ZC3H4: variants seen among roughly 807,000 people sequenced by gnomAD.
ZC3H4 encodes the protein zinc finger CCCH-type containing 4, also known as zinc finger CCCH domain-containing protein 4.
Under a neutral mutation model 108.3 loss-of-function variants are expected in ZC3H4, and 13 were observed. The ratio of observed to expected loss-of-function variants is 0.12; its 90% CI spans 0.08 to 0.19. The LOEUF is 0.19. Among genes scored for constraint, ZC3H4 ranks in the 10% least tolerant of loss-of-function variants. The probability of loss-of-function intolerance (pLI) is 1.00; values close to 1 mark genes in which losing one functional copy is unlikely to be tolerated. For missense variants in ZC3H4, 1,734 were observed against 1,838.8 expected, an observed-to-expected ratio of 0.94 and a Z score of 1.04; for synonymous variants, 917 against 749.6, an observed-to-expected ratio of 1.22 and a Z score of -3.65.
At position 47,072,042 on chromosome 19, in the gene ZC3H4, T is replaced by A. The variant is rs374529527; in HGVS notation, c.1882A>T (p.Met628Leu). The part of the protein sequence containing the change: ...MGPPGPMGGP[M>L]HPDMHPDMHP... ...ATGTCGGGGTGCATGTCAGGATGCA[T>A]TGGACCGCCCATTGGCCCTGGGGGT... The change falls in exon 13 of 15, where the codon ATG becomes TTG. Residue 628 changes from methionine (M) to leucine (L), a missense_variant. Physicochemically the swap from Met to Leu is conservative, Grantham distance 15. This residue lies in a region of ZC3H4 where 540 missense variants were observed against 484.1 expected (regional missense o/e 1.12). Coordinates refer to ENST00000253048, the MANE Select transcript of ZC3H4 (RefSeq NM_015168.2). The surrounding 1 kb of genome is among the most constrained non-coding windows in gnomAD (Gnocchi z 5.6). 6.3e-6 allele frequency: 10 copies of A among 1,586,852 alleles called. No individual in the cohort carries two copies. Among genetic ancestry groups the A allele is most frequent in the Non-Finnish European group, 6.9e-6 (8 of 1,166,368 alleles).
rs1215391899 is a variant in ZC3H4 at position 47,086,515 on chromosome 19, AGCCCCG to A, written c.733_738del (p.Arg245_Gly246del). Reference sequence around the variant, plus strand: ...CCTCCACGGCTTCCTCGGCCCCTGTAGCCCCGGCCCCGGCCTCGGCTGCCTGCATGG... The same window carrying A: ...CCTCCACGGCTTCCTCGGCCCCTGTAGCCCCGGCCTCGGCTGCCTGCATGG... On this transcript the variant is annotated inframe_deletion, in exon 6 of 15. Coordinates refer to ENST00000253048, the MANE Select transcript of ZC3H4 (RefSeq NM_015168.2). The A allele has an allele frequency of 1.2e-6, 2 of 1,600,416 alleles. No homozygotes were observed. The highest frequency in any genetic ancestry group is 1.1e-5 in the South Asian group (1 of 90,304).
intron 9 of ZC3H4, among the ~76,000 whole-genome samples, chr19:47,083,322 AAGAG>A (rs796657173): frequency 2.2e-4 from 33 of 148,860 alleles, no homozygotes; most frequent in Middle Eastern, 3.5e-3. Context: ...AAAAAAAAAA[AAGAG>A]AGAGAGAGAG....
chr19:47,071,020 CCAT>C (rs1295542280), intron 13 of ZC3H4, among the ~76,000 whole-genome samples: 1 of 152,204 alleles, frequency 6.6e-6, no homozygotes, highest in Non-Finnish European at 1.5e-5. Flanking sequence ...CTCGGAGGTC[CCAT>C]CATTCCTCAC....
At chr19:47,084,778 A>G (rs1600053114) in intron 8 of ZC3H4, among the ~76,000 whole-genome samples, 1 of 152,184 alleles carries the variant, frequency 6.6e-6, no homozygotes, top group East Asian at 1.9e-4. Flanking sequence ...TTCCAGGGCT[A>G]ATTGGATGGT....
rs2057224726 is a variant in ZC3H4, at chr19:47,067,153, TGGCGCCCTGTGTGCTGGAATCCGTGGA to T, written c.3088_3114del (p.Ser1030_Ala1038del). On this transcript the variant is annotated inframe_deletion, in exon 15 of 15. Coordinates refer to ENST00000253048, the MANE Select transcript of ZC3H4 (RefSeq NM_015168.2). This position sits in a 1 kb window ranked among gnomAD's most constrained non-coding sequence, Gnocchi z 6.4. ...GACAGAAGTTCAAAGTCGGGGAGGT[TGGCGCCCTGTGTGCTGGAATCCGTGGA>T]GGCGCCCGGGCGCTGCCGGGCGTTG... The T allele has an allele frequency of 1.2e-6, 2 of 1,611,682 alleles. No homozygotes were observed. Among genetic ancestry groups the T allele is most frequent in the Non-Finnish European group, 1.7e-6 (2 of 1,178,838 alleles).
chr19:47,066,059 A>C lies in ZC3H4; in HGVS notation c.*297T>G. ...CAAGGCCCGGCCACGCAGAGCCCAC[A>C]GAGTCTGAGGCCAGGCACTGGCGAA... is the stretch of plus-strand genomic sequence containing the variant. On this transcript the variant is annotated 3_prime_UTR_variant, in exon 15 of 15. Coordinates refer to ENST00000253048, the MANE Select transcript of ZC3H4 (RefSeq NM_015168.2). The C allele has an allele frequency of 3.7e-6, 1 of 272,378 alleles. No individual in the cohort carries two copies. The highest frequency in any genetic ancestry group is 6.9e-6 in the Non-Finnish European group (1 of 145,604). 16.9% of individuals were successfully genotyped at this position (272,378 alleles called of 1,614,324 possible). A position where few individuals can be genotyped will look rare whatever the true frequency, so the allele number is the denominator to read the frequency against.
chr19:47,080,926 C>T (rs1011491655), intron 11 of ZC3H4, among the ~76,000 whole-genome samples: 5 of 152,130 alleles, frequency 3.3e-5, no homozygotes, highest in African/African-American at 9.7e-5. Context: ...AGCCACCACA[C>T]TCGGTTAAGT....
At chr19:47,103,826 C>G (rs2057935077) in intron 2 of ZC3H4, among the ~76,000 whole-genome samples, 1 of 151,446 alleles carries the variant, frequency 6.6e-6, no homozygotes, top group Admixed American at 6.6e-5. Context: ...CGCCTGTAGT[C>G]CCAGCTACTC....
chr19:47,072,506 G>C lies in ZC3H4; in HGVS notation c.1648C>G (p.Pro550Ala). ...GGCATCTGAGGGGGCCCGGGCGGTG[G>C]GGGAGGGGGAGGGGGCGGGGGCGGG... ...GPPPPPPPPP[P>A]PPGPPQMPMP... The change falls in exon 12 of 15, where the codon CCA (proline) becomes GCA (alanine). Residue 550 changes from proline to alanine, a missense_variant. By Grantham distance (27) the Pro-to-Ala change is conservative. Coordinates refer to ENST00000253048, the MANE Select transcript of ZC3H4 (RefSeq NM_015168.2). This position sits in a 1 kb window ranked among gnomAD's most constrained non-coding sequence, Gnocchi z 5.6. The C allele has an allele frequency of 1.5e-6, 2 of 1,330,142 alleles. No individual in the cohort carries two copies. Among genetic ancestry groups the C allele is most frequent in the Non-Finnish European group, 2.1e-6 (2 of 975,014 alleles). The allele number at this position is 1,330,142 out of a possible 1,614,324, so 82.4% of individuals were successfully genotyped here.
At chr19:47,084,781 T>C (rs1340704904) in intron 8 of ZC3H4, among the ~76,000 whole-genome samples, 1 of 152,190 alleles carries the variant, frequency 6.6e-6, no homozygotes. Flanking sequence ...CAGGGCTAAT[T>C]GGATGGTTCA....
intron 2 of ZC3H4, among the ~76,000 whole-genome samples, chr19:47,107,869 C>G (rs1203491112): frequency 6.6e-6 from 1 of 152,142 alleles, no homozygotes; most frequent in African/African-American, 2.4e-5. Context: ...CTCCTAAAAG[C>G]AAAAGCGTTC....
At chr19:47,112,125 G>A (rs2058047169) in intron 2 of ZC3H4, 1 of 1,081,812 alleles carries the variant, frequency 9.2e-7, no homozygotes, top group East Asian at 5.6e-5. Context: ...CGGGCGCGGG[G>A]GGTCCGAGGG....
intron 11 of ZC3H4, among the ~76,000 whole-genome samples, chr19:47,073,607 G>A (rs558114354): frequency 2.0e-5 from 3 of 152,226 alleles, no homozygotes; most frequent in East Asian, 3.9e-4. Flanking sequence ...ACGATGCAGT[G>A]GCATTTGGCA....
At chr19:47,075,015 C>A (rs891680902) in intron 11 of ZC3H4, among the ~76,000 whole-genome samples, 2 of 152,190 alleles carry the variant, frequency 1.3e-5, no homozygotes, top group African/African-American at 4.8e-5. Flanking sequence ...ACTAGTCCTG[C>A]CCCTCTGCCC....
In ZC3H4 at chr19:47,071,908, C is replaced by T; in HGVS notation, c.2016G>A (p.Met672Ile). ...PPMGPGGPPM[M>I]PYGPGDSPHS... ...GTGGGGAGTCTCCAGGGCCGTAGGG[C>T]ATCATTGGAGGGCCGCCAGGGCCCA... is the stretch of plus-strand genomic sequence containing the variant. The change falls in exon 13 of 15, where the codon ATG becomes ATA. Residue 672 changes from methionine to isoleucine, a missense_variant. This residue lies in a region of ZC3H4 where 540 missense variants were observed against 484.1 expected (regional missense o/e 1.12). Coordinates refer to ENST00000253048, the MANE Select transcript of ZC3H4 (RefSeq NM_015168.2). 2 of 1,612,098 alleles carry T rather than the reference C, an allele frequency of 1.2e-6. No homozygotes were observed. The highest frequency in any genetic ancestry group is 1.7e-6 in the Non-Finnish European group (2 of 1,179,062).
intron 2 of ZC3H4, among the ~76,000 whole-genome samples, chr19:47,098,664 T>C (rs1399072227): frequency 6.6e-6 from 1 of 151,780 alleles, no homozygotes; most frequent in Non-Finnish European, 1.5e-5. Flanking sequence ...CTCAGGAGGC[T>C]GAGGTAGGAG....
At chr19:47,111,374 TAATA>T (rs1421594936) in intron 2 of ZC3H4, among the ~76,000 whole-genome samples, 1 of 152,098 alleles carries the variant, frequency 6.6e-6, no homozygotes, top group African/African-American at 2.4e-5. Flanking sequence ...GTTTCGGACT[TAATA>T]AAGAGAAGGG....
chr19:47,069,648 A>C (rs1485551364), intron 13 of ZC3H4, among the ~76,000 whole-genome samples: 1 of 152,242 alleles, frequency 6.6e-6, no homozygotes, highest in African/African-American at 2.4e-5. Flanking sequence ...GACACACAGA[A>C]ACAGTCCCTC....
intron 2 of ZC3H4, 97 bp from the exon 3 acceptor site, chr19:47,094,705 A>T: frequency 7.7e-7 from 1 of 1,297,788 alleles, no homozygotes; most frequent in Non-Finnish European, 1.1e-6. Context: ...CGAAGGCCTG[A>T]CTGCTGTGAG....
Sources: gnomAD v4.1 joint callset for allele counts (sites outside exome capture counted in the v4.1 genomes callset) on GRCh38, gnomAD v4.1.1 for gene constraint, gnomAD v4.1.1 regional missense constraint, Gnocchi (gnomAD v3.1) non-coding constraint, MANE v1.5 for transcripts, NCBI Gene and HGNC (gene_info 2026-07-23, HGNC 2026-07-21) for gene names.